Variants in TET3 observed in about 807,000 individuals in gnomAD.
TET3 encodes the protein methylcytosine dioxygenase TET3.
Under a neutral mutation model 141.4 loss-of-function variants are expected in TET3, and 19 were observed. That is an observed-to-expected ratio of 0.13 (90% CI 0.09 to 0.20). The LOEUF (loss-of-function observed/expected upper bound fraction) is 0.20. Among genes scored for constraint, TET3 ranks in the 10% least tolerant of loss-of-function variants. The pLI is 1.00. For missense variants in TET3, 1,874 were observed against 2,356.9 expected (o/e 0.80, Z 4.24); for synonymous variants, 1,043 against 980.9 (o/e 1.06, Z -1.18).
chr2:74,089,978 C>G lies in TET3; in HGVS notation c.2970C>G (p.Phe990Leu). The G allele has an allele frequency of 6.2e-7, 1 of 1,614,092 alleles. No individual in the cohort carries two copies. Among genetic ancestry groups the G allele is most frequent in the Non-Finnish European group, 8.5e-7 (1 of 1,179,908 alleles). ...TTGGTTGTTCCTGGAGCATGTACTT[C>G]AACGGCTGCAAGTATGCTCGGAGCA... ...FSFGCSWSMYFNGCKYARSKT... is the reference protein window; with the variant it reads ...FSFGCSWSMYLNGCKYARSKT... The change falls in exon 8 of 12, where the codon TTC becomes TTG. Residue 990 changes from phenylalanine (F) to leucine (L), a missense_variant. Physicochemically the swap from Phe to Leu is conservative, Grantham distance 22 (BLOSUM62 0). Transcript: ENST00000409262.
intron 3 of TET3, among the ~76,000 whole-genome samples, chr2:74,032,481 G>GCGCGCGCGCGCGCGATGGCCCCAGCGGC (rs1558730061): frequency 6.6e-6 from 1 of 150,488 alleles, no homozygotes; most frequent in Non-Finnish European, 1.5e-5. Flanking sequence ...GTGTGTGTGT[G>GCGCGCGCGCGCGCGATGGCCCCAGCGGC]TGTGTGTGTG....
At chr2:74,083,335 G>A (rs1689938400) in intron 6 of TET3, among the ~76,000 whole-genome samples, 1 of 152,204 alleles carries the variant, frequency 6.6e-6, no homozygotes, top group African/African-American at 2.4e-5. Context: ...TGCCCATACT[G>A]GTGTGTAAAG....
At chr2:73,984,284 G>A (rs1180361502), upstream of TET3, among the ~76,000 whole-genome samples, 1 of 152,222 alleles carries the variant, frequency 6.6e-6, no homozygotes, top group African/African-American at 2.4e-5. This position sits in a 1 kb window ranked among gnomAD's most constrained non-coding sequence, Gnocchi z 5.6. Flanking sequence ...GTGATGGCAG[G>A]GCCGTGGGGT....
At chr2:74,022,879 G>GA (rs1430028860) in intron 3 of TET3, among the ~76,000 whole-genome samples, 1 of 151,956 alleles carries the variant, frequency 6.6e-6, no homozygotes, top group Non-Finnish European at 1.5e-5. Context: ...CAGTTCAAGC[G>GA]ATTCTCATGC....
intron 2 of TET3, among the ~76,000 whole-genome samples, chr2:74,000,609 C>T (rs2105129584): frequency 6.6e-6 from 1 of 152,208 alleles, no homozygotes; most frequent in Non-Finnish European, 1.5e-5. Flanking sequence ...ATTACTAGAT[C>T]CATAGCTTAA....
At position 74,099,467 on chromosome 2, in the gene TET3, C is replaced by T. The variant is rs373251482; in HGVS notation, c.3459C>T (p.Pro1153=). 89 of 1,613,706 alleles carry T rather than the reference C, an allele frequency of 5.5e-5. No homozygotes were observed. In the African/African-American group the frequency reaches 6.9e-4, roughly 13 times the overall value. The part of the protein sequence containing the change: ...TAFPREVRRL[P]EPAKSCRQRQ... ...TCCCCCGCGAGGTCCGACGCCTGCC[C>T]GAGCCTGCCAAGTCCTGCCGCCAGC... Residue 1153 remains proline, a synonymous_variant, in exon 11 of 12, where the codon CCC becomes CCT. Coordinates refer to ENST00000409262, the MANE Select transcript of TET3 (RefSeq NM_001287491.2).
At chr2:74,002,922 G>A in intron 2 of TET3, 188 bp from the exon 3 acceptor site, 3 of 612,010 alleles carry the variant, frequency 4.9e-6, no homozygotes, top group East Asian at 2.8e-5. Context: ...AGGCGGGGGA[G>A]CCTGTCTGCC....
intron 3 of TET3, among the ~76,000 whole-genome samples, chr2:74,021,512 G>C (rs2105245653): frequency 6.6e-6 from 1 of 152,344 alleles, no homozygotes; most frequent in Non-Finnish European, 1.5e-5. Context: ...AGAGACTACT[G>C]TCCCTGGTCA....
chr2:74,121,027 C>T, the TET3 span: 3 of 152,034 alleles, frequency 2.0e-5, no homozygotes, highest in Non-Finnish European at 4.4e-5. Flanking sequence ...CCGACAGAGA[C>T]TTGATGGAAG....
chr2:74,036,962 A>G (rs1387581283), intron 3 of TET3, among the ~76,000 whole-genome samples: 2 of 152,148 alleles, frequency 1.3e-5, no homozygotes, highest in Non-Finnish European at 2.9e-5. Context: ...TAGATTTTAA[A>G]ATGTTTTACT....
In TET3 at chr2:74,101,348, C is replaced by T. The variant is rs2104226411; in HGVS notation, c.4560C>T (p.Asn1520=). The change falls in exon 12 of 12, where the codon AAC becomes AAT. Residue 1520 remains asparagine, a synonymous_variant. Transcript: ENST00000409262. This position sits in a 1 kb window ranked among gnomAD's most constrained non-coding sequence, Gnocchi z 8.5. ...CGTGGAGCCCCTGCAAGTTTGGGAA[C>T]AGCACCTCGGCCTTGGCTGGGCCCA... ...GKPWSPCKFG[N]STSALAGPSL... The T allele has an allele frequency of 1.2e-6, 2 of 1,613,792 alleles. No homozygotes were observed. The highest frequency in any genetic ancestry group is 4.5e-5 in the East Asian group (2 of 44,890).
chr2:74,109,428 ATCTT>A (rs567866470), downstream of TET3, among the ~76,000 whole-genome samples: 360 of 152,354 alleles, frequency 2.4e-3, 5 homozygotes, highest in African/African-American at 7.9e-3. Context: ...CACTTAAACT[ATCTT>A]TATCAGTATG....
intron 3 of TET3, among the ~76,000 whole-genome samples, chr2:74,003,424 GTT>G (rs768499958): frequency 2.9e-4 from 38 of 130,150 alleles, no homozygotes; most frequent in African/African-American, 8.4e-4. Flanking sequence ...TTGTTGAACT[GTT>G]TTTTTTTTTT....
At chr2:74,013,030 C>G (rs1685544157) in intron 3 of TET3, among the ~76,000 whole-genome samples, 2 of 146,476 alleles carry the variant, frequency 1.4e-5, no homozygotes, top group African/African-American at 2.5e-5. Flanking sequence ...GAGTCTTGCT[C>G]TATTGCCAGG....
chr2:74,129,560 C>G, the TET3 span, among the ~76,000 whole-genome samples: 1 of 151,474 alleles, frequency 6.6e-6, no homozygotes, highest in Non-Finnish European at 1.5e-5. Context: ...TTGAACCCAG[C>G]AGGCAGACTA....
chr2:74,045,936 A>G (rs914729972), intron 3 of TET3, among the ~76,000 whole-genome samples: 1 of 152,224 alleles, frequency 6.6e-6, no homozygotes, highest in Non-Finnish European at 1.5e-5. Context: ...TGTGACTTTG[A>G]TCATTGTGAA....
intron 5 of TET3, among the ~76,000 whole-genome samples, chr2:74,078,615 T>A (rs1689642338): frequency 6.6e-6 from 1 of 152,248 alleles, no homozygotes. Context: ...GACAGTGAAT[T>A]ATCTTGTTCC....
Position 74,100,627 on chromosome 2 carries a change from C to T in TET3, c.3839C>T (p.Ala1280Val). 6.2e-7 allele frequency: 1 copy of T among 1,614,046 alleles called. No individual in the cohort carries two copies. Among genetic ancestry groups the T allele is most frequent in the Non-Finnish European group, 8.5e-7 (1 of 1,179,900 alleles). The change falls in exon 12 of 12, where the codon GCT becomes GTT. Residue 1280 changes from alanine (A) to valine (V), a missense_variant. Physicochemically the swap from Ala to Val is moderately conservative, Grantham distance 64. Coordinates refer to ENST00000409262, the MANE Select transcript of TET3 (RefSeq NM_001287491.2). Reference sequence around the variant, plus strand: ...GTCAATGGCTTCCACTCCAAGTACGCTCTCCCGTCTTTTAGCTACTATGGC... The same window carrying T: ...GTCAATGGCTTCCACTCCAAGTACGTTCTCCCGTCTTTTAGCTACTATGGC... ...TSVNGFHSKY[A>V]LPSFSYYGFP...
In TET3 at chr2:74,047,148, C is replaced by T; in HGVS notation, c.1231C>T (p.Pro411Ser). ...GGCTCCCTCATGGCCTGTGGTTCCT[C>T]CTGAAGAGCACTCATCTTTTGCTCC... ...LRAPSWPVVP[P>S]EEHSSFAPDS... Residue 411 changes from proline (P) to serine (S), a missense_variant, in exon 4 of 12, where the codon CCT becomes TCT. Physicochemically the swap from Pro to Ser is moderately conservative, Grantham distance 74. Transcript: ENST00000409262. 6.2e-7 allele frequency: 1 copy of T among 1,613,978 alleles called. No individual in the cohort carries two copies. The highest frequency in any genetic ancestry group is 8.5e-7 in the Non-Finnish European group (1 of 1,179,880).
Sources: allele counts gnomAD v4.1 joint callset (sites outside exome capture counted in the v4.1 genomes callset), GRCh38; gene constraint gnomAD v4.1.1; non-coding constraint Gnocchi (gnomAD v3.1); transcripts MANE v1.5; gene names NCBI Gene and HGNC (gene_info 2026-07-23, HGNC 2026-07-21).